Variants in ESYT3 observed in about 807,000 individuals in gnomAD.
ESYT3 encodes the protein extended synaptotagmin-3.
Under a neutral mutation model 111.5 loss-of-function variants are expected in ESYT3, and 101 were observed. The ratio of observed to expected loss-of-function variants is 0.91; its 90% CI spans 0.77 to 1.07. The LOEUF (loss-of-function observed/expected upper bound fraction) is 1.07, where lower values mean the gene tolerates loss of function less well. Among genes scored for constraint, ESYT3 ranks in the 50% least tolerant of loss-of-function variants. The pLI is 0.00. For missense variants in ESYT3, 1,097 were observed against 1,109.4 expected, an observed-to-expected ratio of 0.99 and a Z score of 0.16; for synonymous variants, 416 against 446.8, an observed-to-expected ratio of 0.93 and a Z score of 0.87.
chr3:138,437,200 G>T (rs767131004), intron 1 of ESYT3, among the ~76,000 whole-genome samples: 1 of 152,198 alleles, frequency 6.6e-6, no homozygotes, highest in Non-Finnish European at 1.5e-5. Flanking sequence ...TGCATAACAG[G>T]TCATTGCCAT....
At chr3:138,480,068 AG>A (rs2033656407), downstream of ESYT3, 1 of 152,222 alleles carries the variant, frequency 6.6e-6, no homozygotes, top group Non-Finnish European at 1.5e-5. Flanking sequence ...CCAAATTAGC[AG>A]TGAAGAAGAA....
chr3:138,442,309 A>AT (rs911471198), intron 1 of ESYT3, among the ~76,000 whole-genome samples: 8 of 152,050 alleles, frequency 5.3e-5, no homozygotes, highest in Admixed American at 5.2e-4. Flanking sequence ...TTCTTTTCTG[A>AT]TTTTTTATGT....
rs775037798 is a variant in ESYT3, at chr3:138,434,775, G to T, written c.-24G>T. 217 of 1,510,972 alleles carry T rather than the reference G, an allele frequency of 1.4e-4. No homozygotes were observed. The highest frequency in any genetic ancestry group is 1.2e-3 in the Middle Eastern group (5 of 4,166). 93.6% of individuals were successfully genotyped at this position (1,510,972 alleles called of 1,614,324 possible). On this transcript the variant is annotated 5_prime_UTR_variant, in exon 1 of 23. Coordinates refer to ENST00000389567, the MANE Select transcript of ESYT3 (RefSeq NM_031913.5). ...ACCTAAGCTCGGGTGAAGCTCTCGG[G>T]AAGGGCAAGACTGCGGCGACGAGAT...
chr3:138,477,083 GT>G lies in ESYT3; in HGVS notation c.*231del. ...CTACTTTTTTTGGTTGGATTTTTTT[GT>G]TCAAGTCCAGAAAGAAATGTTATAT... On this transcript the variant is annotated 3_prime_UTR_variant, in exon 23 of 23. Coordinates refer to ENST00000389567, the MANE Select transcript of ESYT3 (RefSeq NM_031913.5). 2.4e-6 allele frequency: 1 copy of G among 413,032 alleles called. No homozygotes were observed. Among genetic ancestry groups the G allele is most frequent in the South Asian group, 4.1e-5 (1 of 24,436 alleles). The allele number at this position is 413,032 out of a possible 1,614,324, so 25.6% of individuals were successfully genotyped here.
chr3:138,455,723 G>A (rs918730832), intron 3 of ESYT3, among the ~76,000 whole-genome samples: 1 of 152,204 alleles, frequency 6.6e-6, no homozygotes, highest in African/African-American at 2.4e-5. Context: ...AGTCAGTGCC[G>A]CCTAGCGCTT....
intron 1 of ESYT3, among the ~76,000 whole-genome samples, chr3:138,442,121 T>G (rs1432932884): frequency 9.1e-6 from 1 of 110,312 alleles, no homozygotes; most frequent in Non-Finnish European, 1.6e-5. Context: ...AAAAATGTGT[T>G]TTTTTTTTTC....
chr3:138,435,023 C>G lies in ESYT3; in HGVS notation c.225C>G (p.Asn75Lys), dbSNP rs1166143887. The part of the protein sequence containing the change: ...GALLWMWWRR[N>K]RRGKLGRLAA... Reference sequence around the variant, plus strand: ...TGCTGTGGATGTGGTGGCGCAGGAACCGCCGCGGGAAGCTTGGGCGCCTGG... The same window carrying G: ...TGCTGTGGATGTGGTGGCGCAGGAAGCGCCGCGGGAAGCTTGGGCGCCTGG... The change falls in exon 1 of 23, where the codon AAC (asparagine) becomes AAG (lysine). Residue 75 changes from asparagine to lysine, a missense_variant. Physicochemically the swap from Asn to Lys is moderately conservative, Grantham distance 94. Transcript: ENST00000389567. This position sits in a 1 kb window ranked among gnomAD's most constrained non-coding sequence, Gnocchi z 4.8. 6.3e-7 allele frequency: 1 copy of G among 1,579,950 alleles called. No homozygotes were observed. Among genetic ancestry groups the G allele is most frequent in the Non-Finnish European group, 8.6e-7 (1 of 1,163,628 alleles).
intron 2 of ESYT3, among the ~76,000 whole-genome samples, chr3:138,454,151 G>C (rs951824341): frequency 6.6e-6 from 1 of 152,206 alleles, no homozygotes; most frequent in Admixed American, 6.5e-5. Context: ...AGGAGGCTGT[G>C]GTGGGAAATC....
intron 3 of ESYT3, 51 bp from the exon 4 acceptor site, chr3:138,457,517 G>A (rs1431459842): frequency 9.7e-6 from 15 of 1,538,830 alleles, no homozygotes; most frequent in Non-Finnish European, 1.3e-5. Flanking sequence ...GCTGGCAGCT[G>A]TCCCCTGCTA....
intron 9 of ESYT3, 74 bp downstream of exon 9, chr3:138,464,589 A>G: frequency 6.6e-7 from 1 of 1,514,938 alleles, no homozygotes; most frequent in Non-Finnish European, 9.1e-7. Flanking sequence ...GGGCAACACT[A>G]GGCAGGGAGT....
At chr3:138,441,846 G>A (rs889675164) in intron 1 of ESYT3, among the ~76,000 whole-genome samples, 2 of 151,096 alleles carry the variant, frequency 1.3e-5, no homozygotes, top group African/African-American at 2.4e-5. Context: ...TTAAGGTGCT[G>A]TATATTTCAA....
At position 138,473,545 on chromosome 3, in the gene ESYT3, C is replaced by A. The variant is rs1387966956; in HGVS notation, c.2247C>A (p.Asp749Glu). 1 of 1,613,250 alleles carries A rather than the reference C, an allele frequency of 6.2e-7. No individual in the cohort carries two copies. The highest frequency in any genetic ancestry group is 8.5e-7 in the Non-Finnish European group (1 of 1,179,512). Residue 749 changes from aspartate (D) to glutamate (E), a missense_variant, in exon 19 of 23, where the codon GAC becomes GAA. Transcript: ENST00000389567. ...GGCTCTTTCTTTACAGAGGTGGGGA[C>A]CTCAGGCGACGGCAGCTGGGTGAGA... ...ADISLNIEGG[D>E]LRRRQLGEIQ...
intron 2 of ESYT3, among the ~76,000 whole-genome samples, chr3:138,454,992 C>T (rs1045519190): frequency 2.6e-5 from 4 of 152,136 alleles, no homozygotes; most frequent in Non-Finnish European, 4.4e-5. Flanking sequence ...GTGGGAACCA[C>T]GGCTGTAGTT....
rs760207310 is a variant in ESYT3, at chr3:138,468,239, G to T, written c.1308+45G>T. 8 of 1,573,218 alleles carry T rather than the reference G, an allele frequency of 5.1e-6. No individual in the cohort carries two copies. In the East Asian group the frequency reaches 1.6e-4, roughly 31 times the overall value. ...GGCTCCCTTGCAGAAAGGTGGAGGAGCACACGTGCCAGGTGTGTGCAGGTG... is the reference window on the plus strand; with the variant it reads ...GGCTCCCTTGCAGAAAGGTGGAGGATCACACGTGCCAGGTGTGTGCAGGTG... On this transcript the variant is annotated intron_variant, in intron 12 of 22. Transcript: ENST00000389567.
chr3:138,467,650 A>T, intron 11 of ESYT3, 41 bp downstream of exon 11: 3 of 1,601,980 alleles, frequency 1.9e-6, no homozygotes, highest in Non-Finnish European at 2.6e-6. Flanking sequence ...GTTTCAAGGT[A>T]GCCCTTTCCT....
At chr3:138,467,871 TG>T (rs2033010618) in intron 11 of ESYT3, among the ~76,000 whole-genome samples, 1 of 152,104 alleles carries the variant, frequency 6.6e-6, no homozygotes, top group African/African-American at 2.4e-5. Context: ...GAGGGCAGGC[TG>T]GGCCTGGGTT....
chr3:138,471,905 AGG>A (rs1452423569), intron 17 of ESYT3, among the ~76,000 whole-genome samples: 1 of 152,196 alleles, frequency 6.6e-6, no homozygotes, highest in Non-Finnish European at 1.5e-5. Flanking sequence ...ACCAGAGTAC[AGG>A]CTGTGGCAAA....
At chr3:138,448,160 G>C (rs889544953) in intron 1 of ESYT3, among the ~76,000 whole-genome samples, 10 of 151,342 alleles carry the variant, frequency 6.6e-5, no homozygotes, top group Non-Finnish European at 1.2e-4. Context: ...CCAGCTACTC[G>C]GGAGGCTGAG....
chr3:138,449,798 T>A lies in ESYT3; in HGVS notation c.328-2250T>A, dbSNP rs62282884. 3.0e-3 allele frequency among the ~76,000 whole-genome samples: 460 copies of A among 152,334 alleles called. 4 individuals are homozygous for A. The highest frequency in any genetic ancestry group is 4.8e-3 in the Admixed American group (73 of 15,304). On this transcript the variant is annotated intron_variant, in intron 1 of 22. Coordinates refer to ENST00000389567, the MANE Select transcript of ESYT3 (RefSeq NM_031913.5). ...GTACTGATTCTGTATTAGAGTGATC[T>A]GTTAGTTGCCTGCCTGTGAGTTCCT...
Sources: allele counts gnomAD v4.1 joint callset (sites outside exome capture counted in the v4.1 genomes callset), GRCh38; gene constraint gnomAD v4.1.1; non-coding constraint Gnocchi (gnomAD v3.1); transcripts MANE v1.5; gene names NCBI Gene and HGNC (gene_info 2026-07-23, HGNC 2026-07-21).